Variants in TNIK observed in about 807,000 individuals in gnomAD.
TNIK encodes the protein TRAF2 and NCK-interacting protein kinase.
Under a neutral mutation model 191.3 loss-of-function variants are expected in TNIK, and 49 were observed. The ratio of observed to expected loss-of-function variants is 0.26; its 90% confidence interval spans 0.20 to 0.32. The LOEUF (loss-of-function observed/expected upper bound fraction) is 0.32. TNIK is among the 10% of genes least tolerant of loss of function. The pLI is 1.00. For missense variants in TNIK, 1,155 were observed against 1,702.3 expected (o/e 0.68, Z 5.66); for synonymous variants, 594 against 600.9 (o/e 0.99, Z 0.17).
chr3:171,179,465 T>A (rs570140439), intron 7 of TNIK, among the ~76,000 whole-genome samples: 1 of 151,152 alleles, frequency 6.6e-6, no homozygotes, highest in African/African-American at 2.4e-5. Context: ...TTTTTTTTTT[T>A]CTTTGAGACG....
Position 171,194,515 on chromosome 3 carries a change from C to A in TNIK, c.417+10G>T, listed in dbSNP as rs778063219. ...TTTGGGAGGTGGGCCAGTCCCCACT[C>A]GTAACCTACCCGTAAGATTTCCCTG... On this transcript the variant is annotated intron_variant, in intron 5 of 32. Coordinates refer to ENST00000436636, the MANE Select transcript of TNIK (RefSeq NM_015028.4). 3 of 1,612,456 alleles carry A rather than the reference C, an allele frequency of 1.9e-6. No homozygotes were observed. The highest frequency in any genetic ancestry group is 2.2e-5 in the South Asian group (2 of 90,912).
At chr3:171,365,992 T>C (rs866718452) in intron 2 of TNIK, among the ~76,000 whole-genome samples, 20 of 152,220 alleles carry the variant, frequency 1.3e-4, no homozygotes, top group Non-Finnish European at 1.8e-4. Context: ...AACCTGTGGC[T>C]AATTTGTAGT....
chr3:171,225,145 C>T (rs895696042), intron 3 of TNIK, among the ~76,000 whole-genome samples: 1 of 152,052 alleles, frequency 6.6e-6, no homozygotes, highest in African/African-American at 2.4e-5. Context: ...ATAATGAGTA[C>T]AATTATAATA....
At chr3:171,108,486 C>A (rs1163980454) in intron 19 of TNIK, among the ~76,000 whole-genome samples, 1 of 152,142 alleles carries the variant, frequency 6.6e-6, no homozygotes, top group Non-Finnish European at 1.5e-5. Context: ...TCACTCCAAC[C>A]CAATGATATG....
At chr3:171,373,961 T>C (rs953625832) in intron 1 of TNIK, among the ~76,000 whole-genome samples, 3 of 152,190 alleles carry the variant, frequency 2.0e-5, no homozygotes, top group Non-Finnish European at 4.4e-5. Context: ...TACATTTCTC[T>C]CCCTTGATGA....
intron 27 of TNIK, among the ~76,000 whole-genome samples, 184 bp downstream of exon 27, chr3:171,082,067 C>T (rs548473266): frequency 2.6e-5 from 4 of 152,256 alleles, no homozygotes; most frequent in African/African-American, 7.2e-5. Flanking sequence ...AGGTGAGAGA[C>T]TTCTTTTTGG....
chr3:171,411,444 C>A (rs1204349156), intron 1 of TNIK, among the ~76,000 whole-genome samples: 3 of 151,678 alleles, frequency 2.0e-5, no homozygotes, highest in East Asian at 3.9e-4. Flanking sequence ...TGATCACTGG[C>A]AATCATCAAA....
chr3:171,168,418 T>C (rs933894317), intron 9 of TNIK, among the ~76,000 whole-genome samples: 3 of 152,150 alleles, frequency 2.0e-5, no homozygotes, highest in Non-Finnish European at 4.4e-5. Flanking sequence ...ATACATACTC[T>C]CCAGGCCTGA....
At chr3:171,297,897 T>G (rs1459486687) in intron 2 of TNIK, among the ~76,000 whole-genome samples, 1 of 152,174 alleles carries the variant, frequency 6.6e-6, no homozygotes, top group African/African-American at 2.4e-5. Flanking sequence ...TTCTAAAGAG[T>G]GGCAATTAAA....
intron 21 of TNIK, chr3:171,102,007 A>T (rs1259328834): frequency 1.2e-5 from 2 of 163,950 alleles, no homozygotes; most frequent in Non-Finnish European, 2.6e-5. Context: ...ATTGTGCCCC[A>T]GTATTCTGGG....
intron 2 of TNIK, among the ~76,000 whole-genome samples, chr3:171,270,442 G>T (rs995065764): frequency 3.3e-5 from 5 of 152,150 alleles, no homozygotes; most frequent in Non-Finnish European, 7.3e-5. Flanking sequence ...ACATGGAGAG[G>T]AAAGAGGCCA....
Position 171,066,565 on chromosome 3 carries a change from G to A in TNIK, c.3859+11C>T, listed in dbSNP as rs1718468015. 1 of 1,612,096 alleles carries A rather than the reference G, an allele frequency of 6.2e-7. No individual in the cohort carries two copies. Among genetic ancestry groups the A allele is most frequent in the Non-Finnish European group, 8.5e-7 (1 of 1,179,542 alleles). Reference sequence around the variant, plus strand: ...GTAACTGCTGAAGGAGATAAGGAATGGTTAACCTACCCACAGACGTGGGCA... The same window carrying A: ...GTAACTGCTGAAGGAGATAAGGAATAGTTAACCTACCCACAGACGTGGGCA... On this transcript the variant is annotated intron_variant, in intron 31 of 32. Coordinates refer to ENST00000436636, the MANE Select transcript of TNIK (RefSeq NM_015028.4).
chr3:171,158,171 T>C lies in TNIK; in HGVS notation c.1017-507A>G, dbSNP rs113770604. On this transcript the variant is annotated intron_variant, in intron 11 of 32. Transcript: ENST00000436636. ...CTGTGAAGCCACGATGAACTAGCGA[T>C]GGAAAACCCTTGAGTCAAGGTCAAC... is the stretch of plus-strand genomic sequence containing the variant. Among the ~76,000 whole-genome samples the C allele has an allele frequency of 5.3e-5, 8 of 152,302 alleles. No individual in the cohort carries two copies. In the East Asian group the frequency reaches 1.4e-3, roughly 26 times the overall value.
At chr3:171,248,257 GGAGGA>G (rs1745835553) in intron 2 of TNIK, among the ~76,000 whole-genome samples, 1 of 152,192 alleles carries the variant, frequency 6.6e-6, no homozygotes, top group South Asian at 2.1e-4. Flanking sequence ...GCAGCGGAAG[GGAGGA>G]GAGGAGAGTG....
chr3:171,403,599 G>A (rs2108581708), intron 1 of TNIK, among the ~76,000 whole-genome samples: 1 of 124,928 alleles, frequency 8.0e-6, no homozygotes, highest in Middle Eastern at 5.1e-3. Context: ...GGGCGACAGT[G>A]AGACTCCGTA....
intron 1 of TNIK, among the ~76,000 whole-genome samples, chr3:171,427,445 C>G (rs192987465): frequency 2.8e-4 from 42 of 152,250 alleles, no homozygotes; most frequent in African/African-American, 9.6e-4. Context: ...AATCTACTAG[C>G]TTATACGCTT....
rs182327311 is a variant in TNIK, at chr3:171,439,116, A to G, written c.57+20891T>C. Reference sequence around the variant, plus strand: ...TCCCAGCACTTTGGGAGGCCGAGGCAGGCGGATCACAAGGTCAGGAGATCG... The same window carrying G: ...TCCCAGCACTTTGGGAGGCCGAGGCGGGCGGATCACAAGGTCAGGAGATCG... On this transcript the variant is annotated intron_variant, in intron 1 of 32. Transcript: ENST00000436636. Among the ~76,000 whole-genome samples the G allele has an allele frequency of 2.4e-3, 361 of 151,892 alleles. 1 individual carries two copies. The highest frequency in any genetic ancestry group is 8.3e-3 in the African/African-American group (342 of 41,192).
chr3:171,445,302 C>T (rs1374662391), intron 1 of TNIK, among the ~76,000 whole-genome samples: 1 of 151,876 alleles, frequency 6.6e-6, no homozygotes, highest in Non-Finnish European at 1.5e-5. Context: ...GCCTGTAGTA[C>T]TTGCTACCCC....
intron 2 of TNIK, among the ~76,000 whole-genome samples, chr3:171,270,974 C>T (rs1375368169): frequency 2.0e-5 from 3 of 152,168 alleles, no homozygotes; most frequent in Non-Finnish European, 2.9e-5. Context: ...TTTAATACAA[C>T]ACTCATTTGT....
Sources: gnomAD v4.1 joint callset for allele counts (sites outside exome capture counted in the v4.1 genomes callset) on GRCh38, gnomAD v4.1.1 for gene constraint, MANE v1.5 for transcripts, NCBI Gene and HGNC (gene_info 2026-07-23, HGNC 2026-07-21) for gene names.